Variants in TANC1 observed in about 807,000 individuals in gnomAD.
The protein encoded by TANC1 is tetratricopeptide repeat, ankyrin repeat and coiled-coil containing 1.
A neutral mutation model predicts 149.7 loss-of-function variants in TANC1; 77 were observed. That is an observed-to-expected ratio of 0.51 (90% CI 0.43 to 0.62). The LOEUF (loss-of-function observed/expected upper bound fraction) is 0.62, where lower values mean the gene tolerates loss of function less well. TANC1 is among the 20% of genes least tolerant of loss of function. The pLI is 0.00. For synonymous variants in TANC1, 854 were observed against 925.0 expected (o/e 0.92, Z 1.39); for missense variants, 1,985 against 2,321.8 (o/e 0.85, Z 2.98).
In TANC1 at chr2:159,162,441, A is replaced by G. The variant is rs578101275; in HGVS notation, c.683-842A>G. On this transcript the variant is annotated intron_variant, in intron 7 of 26. Coordinates refer to ENST00000263635, the MANE Select transcript of TANC1 (RefSeq NM_033394.3). ...AGTGTGAGTGGCCCAGGTGATGATG[A>G]CCTGTGGTTGCAAGGGGATCCCATA... is the stretch of plus-strand genomic sequence containing the variant. Among the ~76,000 whole-genome samples, 6 of 152,284 alleles carry G rather than the reference A, an allele frequency of 3.9e-5. No homozygotes were observed. In the East Asian group the frequency reaches 1.2e-3, roughly 29 times the overall value.
intron 4 of TANC1, among the ~76,000 whole-genome samples, chr2:159,128,615 C>A (rs1224210900): frequency 1.3e-5 from 2 of 152,230 alleles, no homozygotes; most frequent in East Asian, 1.9e-4. Flanking sequence ...TTCTGTCCCC[C>A]GAGCCGTGCC....
At chr2:159,119,914 C>T (rs759085250) in intron 4 of TANC1, among the ~76,000 whole-genome samples, 16 of 152,190 alleles carry the variant, frequency 1.1e-4, no homozygotes, top group Non-Finnish European at 2.2e-4. Flanking sequence ...AAAGCATGTG[C>T]TTGCCAGTGT....
chr2:158,975,972 T>C (rs1487030110), intron 1 of TANC1, among the ~76,000 whole-genome samples: 1 of 151,882 alleles, frequency 6.6e-6, no homozygotes, highest in African/African-American at 2.4e-5. Flanking sequence ...TAGCTGGGAC[T>C]ACAGGTGTGC....
chr2:159,012,376 A>G (rs1436772263), intron 2 of TANC1, among the ~76,000 whole-genome samples: 2 of 152,168 alleles, frequency 1.3e-5, no homozygotes, highest in Non-Finnish European at 2.9e-5. Context: ...GCCGATAGCA[A>G]TGTCTTTCAG....
intron 13 of TANC1, among the ~76,000 whole-genome samples, chr2:159,176,979 G>A (rs1212904886): frequency 1.5e-5 from 2 of 132,876 alleles, no homozygotes; most frequent in African/African-American, 2.9e-5. Flanking sequence ...GCATGATCTC[G>A]GCTCAATGCA....
intron 2 of TANC1, among the ~76,000 whole-genome samples, chr2:159,061,964 G>A (rs191959100): frequency 1.3e-5 from 2 of 152,288 alleles, no homozygotes; most frequent in East Asian, 1.9e-4. Context: ...TAGGCCGGGC[G>A]TGGTAGTTCA....
At chr2:159,022,989 T>C (rs537416450) in intron 2 of TANC1, among the ~76,000 whole-genome samples, 1 of 152,288 alleles carries the variant, frequency 6.6e-6, no homozygotes, top group East Asian at 1.9e-4. Context: ...CCCTTCCTTG[T>C]TCACAGCCTA....
At position 159,229,816 on chromosome 2, in the gene TANC1, A is replaced by C; in HGVS notation, c.4390A>C (p.Thr1464Pro). 6.2e-7 allele frequency: 1 copy of C among 1,613,878 alleles called. No individual in the cohort carries two copies. The highest frequency in any genetic ancestry group is 1.1e-5 in the South Asian group (1 of 91,062). ...FHSEETEEEE[T>P]SPQEESVSPT... ...CTCTGAGGAGACTGAAGAGGAAGAA[A>C]CTTCTCCCCAGGAAGAATCTGTTTC... Residue 1464 changes from threonine (T) to proline (P), a missense_variant, in exon 27 of 27, where the codon ACT becomes CCT. Thr to Pro is a conservative substitution (Grantham distance 38). This residue lies in a region of TANC1 where 920 missense variants were observed against 994.7 expected (regional missense o/e 0.92). Transcript: ENST00000263635.
chr2:159,046,084 A>G (rs907299657), intron 2 of TANC1, among the ~76,000 whole-genome samples: 1 of 152,166 alleles, frequency 6.6e-6, no homozygotes, highest in African/African-American at 2.4e-5. Context: ...TCAGAAAGGA[A>G]ATTTATTTAG....
Position 159,231,134 on chromosome 2 carries a change from G to C in TANC1, c.*122G>C. ...CATTTTTTTTCTTTGGGGTGGATCT[G>C]ATGCCATTGATATATCTAAAATGTG... On this transcript the variant is annotated 3_prime_UTR_variant, in exon 27 of 27. Transcript: ENST00000263635. 1 of 709,570 alleles carries C rather than the reference G, an allele frequency of 1.4e-6. No homozygotes were observed. The highest frequency in any genetic ancestry group is 2.1e-5 in the South Asian group (1 of 47,708). The allele number at this position is 709,570 out of a possible 1,614,324, so 44.0% of individuals were successfully genotyped here.
At chr2:159,129,698 A>T (rs13014236) in intron 4 of TANC1, among the ~76,000 whole-genome samples, 35,334 of 151,788 alleles carry the variant, frequency 0.23, 5,330 homozygotes, top group Non-Finnish European at 0.35. Flanking sequence ...CTTCTCCTGT[A>T]TCACATAGTG....
chr2:159,226,712 G>A (rs2150983193), intron 24 of TANC1: 1 of 152,278 alleles, frequency 6.6e-6, no homozygotes, highest in Admixed American at 6.5e-5. Context: ...TTAGGTCAGA[G>A]GTCAGCAAAC....
At chr2:159,034,325 C>G (rs747739340) in intron 2 of TANC1, among the ~76,000 whole-genome samples, 75 of 152,322 alleles carry the variant, frequency 4.9e-4, no homozygotes, top group Non-Finnish European at 9.6e-4. Context: ...GCTTTTCCCT[C>G]TCTCCCCTGT....
chr2:159,194,193 C>G, intron 16 of TANC1, 64 bp from the exon 17 acceptor site: 1 of 1,328,296 alleles, frequency 7.5e-7, no homozygotes, highest in South Asian at 1.2e-5. Context: ...AGGATACTGC[C>G]CATTTCCAGA....
rs926137010 is a variant in TANC1, at chr2:159,231,111, T to C, written c.*99T>C. ...CATCAGAAAAATTATTTTTTAGCCA[T>C]TTTTTTTCTTTGGGGTGGATCTGAT... On this transcript the variant is annotated 3_prime_UTR_variant, in exon 27 of 27. Transcript: ENST00000263635. The C allele has an allele frequency of 3.9e-6, 4 of 1,031,726 alleles. No individual in the cohort carries two copies. The highest frequency in any genetic ancestry group is 1.6e-5 in the African/African-American group (1 of 61,548). The allele number at this position is 1,031,726 out of a possible 1,614,324, so 63.9% of individuals were successfully genotyped here. A position where few individuals can be genotyped will look rare whatever the true frequency, so the allele number is the denominator to read the frequency against.
intron 7 of TANC1, among the ~76,000 whole-genome samples, chr2:159,156,364 C>G (rs1329546596): frequency 6.6e-6 from 1 of 152,048 alleles, no homozygotes; most frequent in Non-Finnish European, 1.5e-5. Context: ...GAAAGAAATT[C>G]TTGGCAATGA....
intron 2 of TANC1, among the ~76,000 whole-genome samples, chr2:159,017,757 C>T (rs541737454): frequency 5.9e-5 from 9 of 151,724 alleles, no homozygotes; most frequent in South Asian, 2.1e-4. Context: ...ACCTAATGCA[C>T]GCGGGACTTC....
intron 3 of TANC1, among the ~76,000 whole-genome samples, chr2:159,096,293 ATTTTT>A (rs35914993): frequency 1.5e-5 from 2 of 130,746 alleles, no homozygotes; most frequent in Admixed American, 7.7e-5. Context: ...GACTGGCTGT[ATTTTT>A]TTTTTTTTTT....
intron 3 of TANC1, among the ~76,000 whole-genome samples, chr2:159,071,788 ACT>A (rs1319493566): frequency 1.3e-5 from 2 of 152,044 alleles, no homozygotes; most frequent in Non-Finnish European, 2.9e-5. Context: ...TAGTGCAGTG[ACT>A]CTCTTGCTGA....
Sources: allele counts gnomAD v4.1 joint callset (sites outside exome capture counted in the v4.1 genomes callset), GRCh38; gene constraint gnomAD v4.1.1; regional missense constraint gnomAD v4.1.1; transcripts MANE v1.5; gene names NCBI Gene and HGNC (gene_info 2026-07-23, HGNC 2026-07-21).